ZDHHC2: variants seen among roughly 807,000 people sequenced by gnomAD.
ZDHHC2 encodes the protein zDHHC palmitoyltransferase 2, also known as palmitoyltransferase ZDHHC2.
In ZDHHC2, 51 loss-of-function variants were observed where a neutral mutation model predicts 55.6. That is an observed-to-expected ratio of 0.92 (90% CI 0.73 to 1.16). The LOEUF is 1.16. Ranked by LOEUF, ZDHHC2 falls within the 50% of genes most tolerant of loss-of-function variation. The pLI, the probability that ZDHHC2 is intolerant of heterozygous loss-of-function variation, is 0.00. For missense variants in ZDHHC2, 491 were observed against 442.4 expected (o/e 1.11, Z -0.99); for synonymous variants, 199 against 152.9 (o/e 1.30, Z -2.22).
intron 10 of ZDHHC2, among the ~76,000 whole-genome samples, chr8:17,214,170 T>A (rs1807527843): frequency 6.6e-6 from 1 of 152,214 alleles, no homozygotes; most frequent in Admixed American, 6.5e-5. Context: ...GCCAATAATG[T>A]TTCCTAAGTG....
At chr8:17,188,054 A>G (rs1805809134) in intron 3 of ZDHHC2, among the ~76,000 whole-genome samples, 1 of 152,238 alleles carries the variant, frequency 6.6e-6, no homozygotes, top group African/African-American at 2.4e-5. Context: ...AAACAAGCAG[A>G]TCATTTGTGA....
intron 3 of ZDHHC2, among the ~76,000 whole-genome samples, chr8:17,188,676 A>G (rs1255694037): frequency 1.3e-5 from 2 of 152,006 alleles, no homozygotes; most frequent in Non-Finnish European, 2.9e-5. Flanking sequence ...CTGTGACTTT[A>G]TGTGTCACCC....
chr8:17,176,573 G>C (rs1805143246), intron 1 of ZDHHC2, among the ~76,000 whole-genome samples: 1 of 152,134 alleles, frequency 6.6e-6, no homozygotes, highest in African/African-American at 2.4e-5. Flanking sequence ...CCGCTCAGCT[G>C]AGTGCCGTGA....
chr8:17,157,058 C>T (rs1804095166), intron 1 of ZDHHC2, among the ~76,000 whole-genome samples: 1 of 152,066 alleles, frequency 6.6e-6, no homozygotes, highest in Non-Finnish European at 1.5e-5. Context: ...TCCCAACTCT[C>T]GGGTTAAGGT....
At chr8:17,189,235 CA>C (rs1343848026) in intron 3 of ZDHHC2, among the ~76,000 whole-genome samples, 1 of 145,630 alleles carries the variant, frequency 6.9e-6, no homozygotes, top group African/African-American at 2.5e-5. Flanking sequence ...TGTCTTTATA[CA>C]AATGGTACCT....
At chr8:17,159,310 C>T (rs1358253238) in intron 1 of ZDHHC2, among the ~76,000 whole-genome samples, 2 of 152,140 alleles carry the variant, frequency 1.3e-5, no homozygotes, top group Non-Finnish European at 2.9e-5. Flanking sequence ...CAAATTTCTT[C>T]CATAAAACAT....
At chr8:17,168,584 C>A (rs1804714244) in intron 1 of ZDHHC2, among the ~76,000 whole-genome samples, 1 of 152,158 alleles carries the variant, frequency 6.6e-6, no homozygotes, top group Non-Finnish European at 1.5e-5. Context: ...ATCATCACTA[C>A]TGTCCATTTT....
chr8:17,177,905 G>T (rs66522263), intron 1 of ZDHHC2, among the ~76,000 whole-genome samples: 21,535 of 152,004 alleles, frequency 0.14, 1,981 homozygotes, highest in Admixed American at 0.28. Context: ...TTCCTCCAAA[G>T]GAGAGAGATT....
At chr8:17,200,998 T>C (rs1806733368) in intron 6 of ZDHHC2, among the ~76,000 whole-genome samples, 1 of 152,240 alleles carries the variant, frequency 6.6e-6, no homozygotes, top group Non-Finnish European at 1.5e-5. Context: ...AAGGATTTGA[T>C]GCCAAGGGTC....
At chr8:17,190,204 C>T (rs1390864188) in intron 3 of ZDHHC2, among the ~76,000 whole-genome samples, 1 of 151,084 alleles carries the variant, frequency 6.6e-6, no homozygotes, top group Non-Finnish European at 1.5e-5. Context: ...TGCAGTGAGC[C>T]GAGATCGCAC....
intron 3 of ZDHHC2, among the ~76,000 whole-genome samples, chr8:17,187,068 A>G (rs1805748928): frequency 1.3e-5 from 2 of 152,294 alleles, no homozygotes; most frequent in African/African-American, 4.8e-5. Context: ...TTCCACTTAC[A>G]TTTAGAAGTT....
chr8:17,175,630 T>C (rs964100203), intron 1 of ZDHHC2, among the ~76,000 whole-genome samples: 9 of 152,216 alleles, frequency 5.9e-5, no homozygotes, highest in Non-Finnish European at 1.2e-4. Flanking sequence ...CCTTCTAGTT[T>C]AATTCTCAAA....
intron 1 of ZDHHC2, among the ~76,000 whole-genome samples, chr8:17,157,228 G>C (rs1337643014): frequency 1.3e-5 from 2 of 152,204 alleles, no homozygotes; most frequent in Non-Finnish European, 2.9e-5. Flanking sequence ...GGGCTGAGCT[G>C]GGCCCGGCCC....
chr8:17,167,174 C>T (rs554949883), intron 1 of ZDHHC2, among the ~76,000 whole-genome samples: 1 of 152,190 alleles, frequency 6.6e-6, no homozygotes, highest in Non-Finnish European at 1.5e-5. Context: ...AGTTTGAGCC[C>T]TCTGAGCAGG....
In ZDHHC2 at chr8:17,179,441, C is replaced by T. The variant is rs114545581; in HGVS notation, c.131-5348C>T. 7.4e-3 allele frequency among the ~76,000 whole-genome samples: 1,131 copies of T among 152,208 alleles called. 12 individuals carry two copies. The highest frequency in any genetic ancestry group is 0.026 in the African/African-American group (1,084 of 41,534). On this transcript the variant is annotated intron_variant, in intron 1 of 12. Transcript: ENST00000262096. ...TTTTGTTTTAAGAAACAGGGTCTCA[C>T]TCTATCGCACAGGCTGGAGTACAGT...
At chr8:17,160,389 T>C (rs1055729913) in intron 1 of ZDHHC2, among the ~76,000 whole-genome samples, 17 of 152,206 alleles carry the variant, frequency 1.1e-4, no homozygotes, top group African/African-American at 4.1e-4. Context: ...TGCTTACGGT[T>C]TTAGTTACGT....
rs369417819 is a variant in ZDHHC2 at position 17,200,048 on chromosome 8, C to T, written c.476+1635C>T. ...GGGATTACAGGCGCGAGCCACCATG[C>T]CTGGCCAACGTCTTCTTAATTCTCC... On this transcript the variant is annotated intron_variant, in intron 6 of 12. Transcript: ENST00000262096. 3.9e-5 allele frequency among the ~76,000 whole-genome samples: 6 copies of T among 152,198 alleles called. 1 individual carries two copies. Among genetic ancestry groups the T allele is most frequent in the African/African-American group, 1.4e-4 (6 of 41,438 alleles).
chr8:17,174,084 C>T (rs1372834555), intron 1 of ZDHHC2, among the ~76,000 whole-genome samples: 1 of 149,016 alleles, frequency 6.7e-6, no homozygotes, highest in Non-Finnish European at 1.5e-5. Flanking sequence ...TATTCTTTTT[C>T]TTCTTCTTCT....
intron 1 of ZDHHC2, among the ~76,000 whole-genome samples, chr8:17,181,521 C>G (rs139869656): frequency 5.6e-4 from 86 of 152,242 alleles, no homozygotes; most frequent in Middle Eastern, 3.4e-3. Context: ...ATCTCAATAA[C>G]TGGTTTAAAG....
Sources: gnomAD v4.1 joint callset for allele counts (sites outside exome capture counted in the v4.1 genomes callset) on GRCh38, gnomAD v4.1.1 for gene constraint, MANE v1.5 for transcripts, NCBI Gene and HGNC (gene_info 2026-07-23, HGNC 2026-07-21) for gene names.